The following FHIT variants were observed in gnomAD, a reference collection of about 807,000 sequenced individuals.
FHIT encodes bis(5'-adenosyl)-triphosphatase.
In FHIT, 19 loss-of-function variants were observed where a neutral mutation model predicts 17.9. The observed-to-expected ratio is 1.06, with a 90% CI of 0.74 to 1.56. The LOEUF (loss-of-function observed/expected upper bound fraction) is 1.56, where lower values mean the gene tolerates loss of function less well. FHIT is among the 40% of genes most tolerant of loss of function. FHIT has a pLI of 0.00. For synonymous variants in FHIT, 81 were observed against 69.7 expected (o/e 1.16, Z -0.81); for missense variants, 248 against 189.2 (o/e 1.31, Z -1.82).
At chr3:60,579,008 G>T (rs947685859) in intron 4 of FHIT, among the ~76,000 whole-genome samples, 2 of 152,150 alleles carry the variant, frequency 1.3e-5, no homozygotes, top group Admixed American at 1.3e-4. Context: ...CTCAAGAAAT[G>T]CTGTTATAGC....
intron 4 of FHIT, among the ~76,000 whole-genome samples, chr3:60,786,587 C>A (rs1700584993): frequency 6.6e-6 from 1 of 152,320 alleles, no homozygotes; most frequent in South Asian, 2.1e-4. Flanking sequence ...GAAGATAATG[C>A]ATGTAAAATG....
intron 5 of FHIT, among the ~76,000 whole-genome samples, chr3:60,133,406 G>A (rs1446333377): frequency 6.6e-6 from 1 of 152,110 alleles, no homozygotes; most frequent in Non-Finnish European, 1.5e-5. Flanking sequence ...CTGCCTGGAG[G>A]GGTAGAGCAG....
At chr3:61,091,452 G>C (rs979368088) in intron 2 of FHIT, among the ~76,000 whole-genome samples, 3 of 152,150 alleles carry the variant, frequency 2.0e-5, no homozygotes, top group African/African-American at 7.2e-5. Context: ...ATCAATCTAT[G>C]TCAGCTGCTG....
At position 61,199,097 on chromosome 3, in the gene FHIT, A is replaced by G. The variant is rs78512514; in HGVS notation, c.-164+1520T>C. Among the ~76,000 whole-genome samples the G allele has an allele frequency of 8.0e-3, 1,225 of 152,316 alleles. 19 individuals are homozygous for G. Among genetic ancestry groups the G allele is most frequent in the African/African-American group, 0.028 (1,146 of 41,570 alleles). On this transcript the variant is annotated intron_variant, in intron 2 of 9. Coordinates refer to ENST00000492590, the MANE Select transcript of FHIT (RefSeq NM_002012.4). ...CAGATCAGGAAACTGAGACTCTAAGAGGGTGAATAAGTTGTCCGCAGTCCA... is the reference window on the plus strand; with the variant it reads ...CAGATCAGGAAACTGAGACTCTAAGGGGGTGAATAAGTTGTCCGCAGTCCA...
chr3:60,070,782 C>T (rs1292544667), intron 5 of FHIT, among the ~76,000 whole-genome samples: 1 of 152,170 alleles, frequency 6.6e-6, no homozygotes, highest in African/African-American at 2.4e-5. Context: ...GTTTTCCTCC[C>T]CAGTTTTATT....
At chr3:60,041,260 A>G (rs1295555020) in intron 5 of FHIT, among the ~76,000 whole-genome samples, 1 of 152,166 alleles carries the variant, frequency 6.6e-6, no homozygotes, top group Non-Finnish European at 1.5e-5. Context: ...GGCATTTTCA[A>G]CATGTCCAGG....
chr3:59,823,813 C>CGG, intron 8 of FHIT, among the ~76,000 whole-genome samples: 1 of 152,250 alleles, frequency 6.6e-6, no homozygotes, highest in Admixed American at 6.5e-5. Flanking sequence ...TCTGTCACCA[C>CGG]TTCTATTCAA....
Position 60,081,888 on chromosome 3 carries a change from C to G in FHIT, c.104-67736G>C, listed in dbSNP as rs573407004. On this transcript the variant is annotated intron_variant, in intron 5 of 9. Transcript: ENST00000492590. The stretch of plus-strand genomic sequence containing the variant: ...AACTTGCCAAAAGAAAGAGGAAGTA[C>G]AATAACCACAAACGTTAAGTGATTT... 3.4e-4 allele frequency among the ~76,000 whole-genome samples: 51 copies of G among 148,352 alleles called. 1 individual carries two copies. In the South Asian group the frequency reaches 0.011, roughly 31 times the overall value.
At position 60,326,450 on chromosome 3, in the gene FHIT, G is replaced by A. The variant is rs183501142; in HGVS notation, c.103+210410C>T. Among the ~76,000 whole-genome samples, 19 of 145,734 alleles carry A rather than the reference G, an allele frequency of 1.3e-4. No homozygotes were observed. In the East Asian group the frequency reaches 1.7e-3, roughly 13 times the overall value. ...ATTCCTATGAGAATCTAATCCTGCC[G>A]CTAATCTCACAGGAGGCAGAGCTCA... On this transcript the variant is annotated intron_variant, in intron 5 of 9. Transcript: ENST00000492590.
chr3:60,906,199 AT>A (rs1391106267), intron 3 of FHIT, among the ~76,000 whole-genome samples: 4 of 152,204 alleles, frequency 2.6e-5, no homozygotes, highest in African/African-American at 9.7e-5. Context: ...TACTTAATAG[AT>A]TGATTGTCAG....
At chr3:60,535,253 C>G (rs2035939375) in intron 5 of FHIT, among the ~76,000 whole-genome samples, 1 of 152,152 alleles carries the variant, frequency 6.6e-6, no homozygotes, top group Non-Finnish European at 1.5e-5. Flanking sequence ...AAAAGTGGTA[C>G]ATCTCTGTGA....
chr3:59,935,133 T>C (rs74470340), intron 7 of FHIT, among the ~76,000 whole-genome samples: 2,789 of 152,030 alleles, frequency 0.018, 96 homozygotes, highest in African/African-American at 0.064. Flanking sequence ...AGCTCAGAGG[T>C]TCTTGTAAAA....
intron 8 of FHIT, among the ~76,000 whole-genome samples, chr3:59,820,026 C>T (rs182271399): frequency 1.3e-4 from 20 of 152,366 alleles, no homozygotes; most frequent in Admixed American, 7.8e-4. Flanking sequence ...AAACCCAATC[C>T]GCTGGCACCT....
At chr3:61,122,107 C>T (rs1379816001) in intron 2 of FHIT, among the ~76,000 whole-genome samples, 3 of 152,200 alleles carry the variant, frequency 2.0e-5, no homozygotes, top group Non-Finnish European at 4.4e-5. Flanking sequence ...TCAAACTATA[C>T]TACAAGGCTA....
intron 1 of FHIT, among the ~76,000 whole-genome samples, chr3:61,234,197 C>T (rs1160618060): frequency 6.6e-6 from 1 of 152,074 alleles, no homozygotes; most frequent in African/African-American, 2.4e-5. Flanking sequence ...ATTCGAGATC[C>T]ATAGGGGAGC....
intron 1 of FHIT, among the ~76,000 whole-genome samples, chr3:61,202,553 G>C (rs114734143): frequency 0.011 from 1,669 of 152,002 alleles, 16 homozygotes; most frequent in Non-Finnish European, 0.015. Flanking sequence ...AAAAATATAT[G>C]GATGTAGAGT....
chr3:60,523,272 C>T (rs1576808675), intron 5 of FHIT, among the ~76,000 whole-genome samples: 1 of 152,268 alleles, frequency 6.6e-6, no homozygotes, highest in Admixed American at 6.5e-5. Context: ...GCACTAATCT[C>T]ACTTTTGGTC....
intron 3 of FHIT, among the ~76,000 whole-genome samples, chr3:60,965,145 T>C (rs1709659236): frequency 6.6e-6 from 1 of 151,964 alleles, no homozygotes; most frequent in South Asian, 2.1e-4. Context: ...TACTCTTTTT[T>C]CTCTAAACGT....
At chr3:60,354,715 T>G (rs1181532922) in intron 5 of FHIT, among the ~76,000 whole-genome samples, 1 of 152,184 alleles carries the variant, frequency 6.6e-6, no homozygotes, top group African/African-American at 2.4e-5. Flanking sequence ...ATGGCTTCTC[T>G]CAAAGTACGC....
Sources: gnomAD v4.1 joint callset for allele counts (sites outside exome capture counted in the v4.1 genomes callset) on GRCh38, gnomAD v4.1.1 for gene constraint, MANE v1.5 for transcripts, NCBI Gene and HGNC (gene_info 2026-07-23, HGNC 2026-07-21) for gene names.